RNF4: variants seen among roughly 807,000 people sequenced by gnomAD.
The protein encoded by RNF4 is E3 ubiquitin-protein ligase RNF4.
Under a neutral mutation model 24.3 loss-of-function variants are expected in RNF4, and 7 were observed. The observed-to-expected ratio is 0.29, with a 90% confidence interval of 0.16 to 0.54. The LOEUF is 0.54. Ranked by LOEUF, RNF4 falls within the 20% of genes least tolerant of loss-of-function variation. The pLI, the probability that RNF4 is intolerant of heterozygous loss-of-function variation, is 0.95. For synonymous variants in RNF4, 83 were observed against 84.3 expected (o/e 0.98, Z 0.09); for missense variants, 209 against 248.5 (o/e 0.84, Z 1.07).
intron 2 of RNF4, among the ~76,000 whole-genome samples, chr4:2,490,963 C>G (rs1735561525): frequency 6.6e-6 from 1 of 152,192 alleles, no homozygotes; most frequent in Admixed American, 6.5e-5. Context: ...TGGGGCGCAC[C>G]TGTAGTCCCA....
At chr4:2,506,794 T>C (rs1044642521) in intron 4 of RNF4, among the ~76,000 whole-genome samples, 9 of 152,124 alleles carry the variant, frequency 5.9e-5, no homozygotes, top group Admixed American at 5.2e-4. Context: ...GGTCTCAAAC[T>C]CCTGGGCTCA....
chr4:2,510,004 G>A (rs1448648478), intron 4 of RNF4, among the ~76,000 whole-genome samples: 2 of 152,130 alleles, frequency 1.3e-5, no homozygotes, highest in Non-Finnish European at 2.9e-5. Flanking sequence ...ACATTGTGCC[G>A]GCCCTGGTAA....
intron 2 of RNF4, among the ~76,000 whole-genome samples, chr4:2,496,077 C>CT (rs1356988507): frequency 6.6e-6 from 1 of 152,208 alleles, no homozygotes; most frequent in Non-Finnish European, 1.5e-5. Context: ...TATCAACCAG[C>CT]TGAGAGCCTG....
In RNF4 at chr4:2,500,647, T is replaced by C; in HGVS notation, c.125-12T>C. The C allele has an allele frequency of 6.2e-7, 1 of 1,613,506 alleles. No individual in the cohort carries two copies. The highest frequency in any genetic ancestry group is 8.5e-7 in the Non-Finnish European group (1 of 1,179,574). ...TTAATCTTAATGCTTGTTGAAATAC[T>C]TTCTTTTGAAGCTGGAGATGAAATT... On this transcript the variant is annotated splice_polypyrimidine_tract_variant and intron_variant, in intron 3 of 7. Coordinates refer to ENST00000314289, the MANE Select transcript of RNF4 (RefSeq NM_002938.5).
chr4:2,480,951 C>G (rs1319970386), intron 1 of RNF4: 1 of 152,168 alleles, frequency 6.6e-6, no homozygotes, highest in African/African-American at 2.4e-5. Context: ...ATTAGAGAAC[C>G]ACTTGAGAGT....
intron 1 of RNF4, among the ~76,000 whole-genome samples, chr4:2,475,161 C>A (rs1051112514): frequency 2.5e-4 from 38 of 152,278 alleles, no homozygotes; most frequent in African/African-American, 9.1e-4. Flanking sequence ...CTCAAATGAT[C>A]ATTAGCATTT....
At chr4:2,499,283 G>T (rs1735838755) in intron 3 of RNF4, 4 of 448,724 alleles carry the variant, frequency 8.9e-6, no homozygotes, top group South Asian at 1.6e-5. Flanking sequence ...TTAGTGTTTT[G>T]TTGTTGTTGT....
rs1578528400 is a variant in RNF4, at chr4:2,512,464, A to G, written c.241A>G (p.Arg81Gly). 6.2e-7 allele frequency: 1 copy of G among 1,612,918 alleles called. No individual in the cohort carries two copies. Among genetic ancestry groups the G allele is most frequent in the Non-Finnish European group, 8.5e-7 (1 of 1,179,420 alleles). Reference sequence around the variant, plus strand: ...AAGAAGAAGACCAAGGAGGAATGCTAGGAGGCTGCCCCAGGACCATGCTGA... The same window carrying G: ...AAGAAGAAGACCAAGGAGGAATGCTGGGAGGCTGCCCCAGGACCATGCTGA... The part of the protein sequence containing the change: ...DERRRPRRNA[R>G]RLPQDHADSC... Residue 81 changes from arginine (R) to glycine (G), a missense_variant, in exon 6 of 8, where the codon AGG becomes GGG. By Grantham distance (125) the Arg-to-Gly change is moderately radical. Around this residue, in one of 3 missense-constraint regions of RNF4, gnomAD observed 182 missense variants for 197.2 expected, o/e 0.92. Coordinates refer to ENST00000314289, the MANE Select transcript of RNF4 (RefSeq NM_002938.5). This position sits in a 1 kb window ranked among gnomAD's most constrained non-coding sequence, Gnocchi z 4.1.
intron 1 of RNF4, among the ~76,000 whole-genome samples, chr4:2,479,360 C>T (rs1433005001): frequency 6.6e-6 from 1 of 152,024 alleles, no homozygotes; most frequent in Non-Finnish European, 1.5e-5. Flanking sequence ...AATGTGAGGA[C>T]ATAAGATTTG....
In RNF4 at chr4:2,493,369, C is replaced by T. The variant is rs1007709903; in HGVS notation, c.9+2867C>T. Among the ~76,000 whole-genome samples, 4 of 151,892 alleles carry T rather than the reference C, an allele frequency of 2.6e-5. No individual in the cohort carries two copies. The East Asian group carries it at 7.7e-4, about 29-fold the overall frequency. ...GGGTGGGGACATTCCTGTAATTATC[C>T]GTGAGGGGAGATTTTGGGTCCAGGA... On this transcript the variant is annotated intron_variant, in intron 2 of 7. Transcript: ENST00000314289.
rs1378110563 is a variant in RNF4 at position 2,515,317 on chromosome 4, A to G, written c.*1498A>G. On this transcript the variant is annotated 3_prime_UTR_variant, in exon 8 of 8. Transcript: ENST00000314289. ...CTCTATGTGAAAAGAAAATTGTTTT[A>G]TTCTTCATTCTGACTTTTTAACTGT... 3 of 152,644 alleles carry G rather than the reference A, an allele frequency of 2.0e-5. No homozygotes were observed. The highest frequency in any genetic ancestry group is 1.3e-4 in the Admixed American group (2 of 15,286). The allele number at this position is 152,644 out of a possible 1,614,324, so 9.5% of individuals were successfully genotyped here.
intron 3 of RNF4, among the ~76,000 whole-genome samples, chr4:2,498,757 C>G (rs926635986): frequency 1.3e-5 from 2 of 152,094 alleles, no homozygotes; most frequent in Admixed American, 6.5e-5. Context: ...GACCCTGTCT[C>G]TATAAATAAA....
intron 1 of RNF4, among the ~76,000 whole-genome samples, chr4:2,483,531 C>T (rs990346446): frequency 6.6e-6 from 1 of 152,130 alleles, no homozygotes; most frequent in East Asian, 1.9e-4. Context: ...TGAACAGGTG[C>T]GGTGGCTCAC....
At chr4:2,511,226 A>G (rs992300572) in intron 4 of RNF4, among the ~76,000 whole-genome samples, 6 of 152,082 alleles carry the variant, frequency 3.9e-5, no homozygotes, top group African/African-American at 2.4e-5. Context: ...TAAGGTCCCC[A>G]GGTCTTGCAG....
rs1011580146 is a variant in RNF4 at position 2,513,519 on chromosome 4, C to G, written c.424-151C>G. The stretch of plus-strand genomic sequence containing the variant: ...CAGCTGAGAGAGACCACAGCAGACA[C>G]AGTTAGCTCTCCAGACCCCTCCCTG... On this transcript the variant is annotated intron_variant, in intron 7 of 7. Transcript: ENST00000314289. 3.1e-5 allele frequency: 27 copies of G among 859,390 alleles called. 1 individual carries two copies. In the African/African-American group the frequency reaches 4.2e-4, roughly 14 times the overall value. 53.2% of individuals were successfully genotyped at this position (859,390 alleles called of 1,614,324 possible). A position where few individuals can be genotyped will look rare whatever the true frequency, so the allele number is the denominator to read the frequency against.
chr4:2,483,925 C>T (rs556490047), intron 1 of RNF4, among the ~76,000 whole-genome samples: 414 of 151,492 alleles, frequency 2.7e-3, no homozygotes, highest in Middle Eastern at 6.8e-3. Context: ...CTCTTGGGTT[C>T]GAGCGATTCT....
chr4:2,476,974 G>A (rs1324566589), intron 1 of RNF4, among the ~76,000 whole-genome samples: 3 of 151,508 alleles, frequency 2.0e-5, no homozygotes, highest in African/African-American at 4.8e-5. Flanking sequence ...TAGAGACAGG[G>A]TTTCACTATG....
intron 2 of RNF4, among the ~76,000 whole-genome samples, chr4:2,491,241 G>A (rs1735570553): frequency 6.6e-6 from 1 of 152,080 alleles, no homozygotes; most frequent in Non-Finnish European, 1.5e-5. Context: ...TAGCGCTTTT[G>A]TTTGTTTGTT....
intron 1 of RNF4, among the ~76,000 whole-genome samples, chr4:2,484,687 A>G (rs1735354554): frequency 6.6e-6 from 1 of 152,154 alleles, no homozygotes; most frequent in East Asian, 1.9e-4. Context: ...GAAAAACAGA[A>G]TAATTACTTA....
Sources: allele counts gnomAD v4.1 joint callset (sites outside exome capture counted in the v4.1 genomes callset), GRCh38; gene constraint gnomAD v4.1.1; regional missense constraint gnomAD v4.1.1; non-coding constraint Gnocchi (gnomAD v3.1); transcripts MANE v1.5; gene names NCBI Gene and HGNC (gene_info 2026-07-23, HGNC 2026-07-21).